Variants in KHDRBS2 observed in about 807,000 individuals in gnomAD.
The protein encoded by KHDRBS2 is KH domain-containing, RNA-binding, signal transduction-associated protein 2.
Under a neutral mutation model 44.3 loss-of-function variants are expected in KHDRBS2, and 26 were observed. The ratio of observed to expected loss-of-function variants is 0.59; its 90% CI spans 0.43 to 0.81. The LOEUF is 0.81. Among genes scored for constraint, KHDRBS2 ranks in the 40% least tolerant of loss-of-function variants. The pLI is 0.00. For missense variants in KHDRBS2, 476 were observed against 433.1 expected (o/e 1.10, Z -0.88); for synonymous variants, 194 against 151.1 (o/e 1.28, Z -2.08).
intron 2 of KHDRBS2, among the ~76,000 whole-genome samples, chr6:62,067,659 A>G (rs1412207207): frequency 6.6e-6 from 1 of 151,558 alleles, no homozygotes; most frequent in Non-Finnish European, 1.5e-5. Flanking sequence ...AGGGTTATAC[A>G]ACCATTGCCA....
chr6:61,853,988 A>G (rs550429215), intron 6 of KHDRBS2, among the ~76,000 whole-genome samples: 13 of 152,314 alleles, frequency 8.5e-5, no homozygotes, highest in Admixed American at 7.9e-4. Context: ...GTCTCTATTT[A>G]CCTAGCTGCA....
chr6:61,543,820 G>T, the KHDRBS2 span, among the ~76,000 whole-genome samples: 3 of 152,062 alleles, frequency 2.0e-5, no homozygotes, highest in African/African-American at 4.8e-5. Flanking sequence ...GGAGCTGGAG[G>T]TCATTTTGTT....
At chr6:61,763,208 C>T (rs568904717) in intron 6 of KHDRBS2, among the ~76,000 whole-genome samples, 3 of 152,184 alleles carry the variant, frequency 2.0e-5, no homozygotes, top group Non-Finnish European at 2.9e-5. Flanking sequence ...TTGGAGACTC[C>T]GACAGTAAGG....
intron 6 of KHDRBS2, among the ~76,000 whole-genome samples, chr6:61,737,658 A>C (rs1458561417): frequency 6.6e-6 from 1 of 152,104 alleles, no homozygotes; most frequent in Admixed American, 6.6e-5. Flanking sequence ...AGAAAAAAGC[A>C]AGAGTGTTCT....
At chr6:61,553,756 A>G in the KHDRBS2 span, among the ~76,000 whole-genome samples, 1 of 152,074 alleles carries the variant, frequency 6.6e-6, no homozygotes, top group Non-Finnish European at 1.5e-5. Context: ...TTCATTATTT[A>G]CCAAAAAGTT....
chr6:62,099,455 G>A (rs189925426), intron 2 of KHDRBS2, among the ~76,000 whole-genome samples: 7 of 152,226 alleles, frequency 4.6e-5, no homozygotes, highest in Admixed American at 1.3e-4. Context: ...CCATATCCTC[G>A]GTTGGTGTGT....
At chr6:61,796,555 A>G (rs1248823264) in intron 6 of KHDRBS2, among the ~76,000 whole-genome samples, 1 of 152,064 alleles carries the variant, frequency 6.6e-6, no homozygotes, top group African/African-American at 2.4e-5. Flanking sequence ...TACATTAAAA[A>G]CTATTAGTAA....
At chr6:61,583,288 T>A in the KHDRBS2 span, among the ~76,000 whole-genome samples, 1 of 151,838 alleles carries the variant, frequency 6.6e-6, no homozygotes, top group African/African-American at 2.4e-5. Context: ...TTGAGATTCA[T>A]CTATATTGTT....
chr6:62,271,629 A>G (rs957076361), intron 1 of KHDRBS2, among the ~76,000 whole-genome samples: 1 of 152,112 alleles, frequency 6.6e-6, no homozygotes, highest in Non-Finnish European at 1.5e-5. Flanking sequence ...CCAGTAGGAC[A>G]AGATGTAGGG....
chr6:62,100,707 CAT>C (rs1227334691), intron 2 of KHDRBS2, among the ~76,000 whole-genome samples: 1 of 152,136 alleles, frequency 6.6e-6, no homozygotes, highest in African/African-American at 2.4e-5. Flanking sequence ...TTATAATTAA[CAT>C]ATGTACATTT....
At chr6:62,266,326 G>T (rs1348275881) in intron 1 of KHDRBS2, among the ~76,000 whole-genome samples, 2 of 151,982 alleles carry the variant, frequency 1.3e-5, no homozygotes, top group Non-Finnish European at 2.9e-5. Context: ...GCTGGCTCTG[G>T]CTGGCAGAGC....
At chr6:61,930,537 A>AAAAAAG (rs1809830852) in intron 4 of KHDRBS2, among the ~76,000 whole-genome samples, 1 of 37,302 alleles carries the variant, frequency 2.7e-5, no homozygotes, top group Non-Finnish European at 6.4e-5. Context: ...AAAAAAAAAA[A>AAAAAAG]AAAAAAAAGA....
the KHDRBS2 span, among the ~76,000 whole-genome samples, chr6:61,570,940 TA>T: frequency 6.6e-6 from 1 of 151,660 alleles, no homozygotes; most frequent in Non-Finnish European, 1.5e-5. Flanking sequence ...TACAAAACCT[TA>T]AAATACACCA....
At chr6:61,661,859 G>A in the KHDRBS2 span, among the ~76,000 whole-genome samples, 1 of 151,960 alleles carries the variant, frequency 6.6e-6, no homozygotes, top group East Asian at 1.9e-4. Context: ...TCCCCATCAA[G>A]CTACCAATGA....
At chr6:62,176,643 T>C (rs1028050155) in intron 2 of KHDRBS2, among the ~76,000 whole-genome samples, 1 of 151,220 alleles carries the variant, frequency 6.6e-6, no homozygotes, top group Non-Finnish European at 1.5e-5. Context: ...CAATGATCTA[T>C]TGGTGAAAAA....
intron 1 of KHDRBS2, among the ~76,000 whole-genome samples, chr6:62,266,315 G>T (rs1036963351): frequency 1.3e-5 from 2 of 151,950 alleles, no homozygotes; most frequent in African/African-American, 4.8e-5. Flanking sequence ...CTTGCTTGAG[G>T]GCTGGCTCTG....
At chr6:61,716,399 A>C (rs541007939) in intron 7 of KHDRBS2, among the ~76,000 whole-genome samples, 1 of 151,980 alleles carries the variant, frequency 6.6e-6, no homozygotes, top group East Asian at 2.0e-4. Context: ...CTTTGCTAAG[A>C]CTCCAGATGT....
intron 1 of KHDRBS2, among the ~76,000 whole-genome samples, chr6:62,211,931 A>G (rs1829120262): frequency 6.6e-6 from 1 of 152,222 alleles, no homozygotes; most frequent in Non-Finnish European, 1.5e-5. Context: ...GGTAGACTGG[A>G]TAAAGAAAAT....
chr6:62,152,453 TA>T (rs1156917477), intron 2 of KHDRBS2, among the ~76,000 whole-genome samples: 1 of 152,188 alleles, frequency 6.6e-6, no homozygotes, highest in Non-Finnish European at 1.5e-5. Flanking sequence ...TTATGCACAT[TA>T]AGACAAATGG....
Sources: gnomAD v4.1 joint callset for allele counts (sites outside exome capture counted in the v4.1 genomes callset) on GRCh38, gnomAD v4.1.1 for gene constraint, MANE v1.5 for transcripts, NCBI Gene and HGNC (gene_info 2026-07-23, HGNC 2026-07-21) for gene names.